The following DACH1 variants were observed in gnomAD, a reference collection of about 807,000 sequenced individuals.
DACH1 encodes dachshund homolog 1.
A neutral mutation model predicts 54.2 loss-of-function variants in DACH1; 12 were observed. The ratio of observed to expected loss-of-function variants is 0.22; its 90% CI spans 0.14 to 0.36. The LOEUF is 0.36. Ranked by LOEUF, DACH1 falls within the 10% of genes least tolerant of loss-of-function variation. The pLI, the probability that DACH1 is intolerant of heterozygous loss-of-function variation, is 1.00. For synonymous variants in DACH1, 386 were observed against 366.2 expected, an observed-to-expected ratio of 1.05 and a Z score of -0.62; for missense variants, 805 against 929.8, an observed-to-expected ratio of 0.87 and a Z score of 1.75.
chr13:71,553,808 T>A (rs1025350295), intron 6 of DACH1, among the ~76,000 whole-genome samples: 4 of 151,572 alleles, frequency 2.6e-5, no homozygotes, highest in African/African-American at 9.7e-5. Flanking sequence ...TTTTTTGGGC[T>A]AATAGAATGG....
At chr13:71,663,552 T>C (rs950839283) in intron 2 of DACH1, among the ~76,000 whole-genome samples, 8 of 151,950 alleles carry the variant, frequency 5.3e-5, no homozygotes, top group Admixed American at 1.3e-4. Flanking sequence ...ACTGGAGCAC[T>C]GAAATGTAGA....
intron 1 of DACH1, among the ~76,000 whole-genome samples, chr13:71,778,635 A>T (rs1886176850): frequency 6.6e-6 from 1 of 152,128 alleles, no homozygotes; most frequent in Non-Finnish European, 1.5e-5. Context: ...GAAAGTAAAG[A>T]AATATAAACT....
chr13:71,684,093 A>AT (rs998724942), intron 1 of DACH1, among the ~76,000 whole-genome samples: 2 of 151,646 alleles, frequency 1.3e-5, no homozygotes, highest in Non-Finnish European at 2.9e-5. Context: ...TTTCTAATCT[A>AT]TTTTCTCTTC....
chr13:71,531,958 G>A (rs527762869), intron 6 of DACH1, among the ~76,000 whole-genome samples: 10 of 151,944 alleles, frequency 6.6e-5, no homozygotes, highest in African/African-American at 2.2e-4. Flanking sequence ...GCATGTATGT[G>A]TGTATATATA....
chr13:71,541,937 T>G (rs935699707), intron 6 of DACH1, among the ~76,000 whole-genome samples: 1 of 149,726 alleles, frequency 6.7e-6, no homozygotes, highest in East Asian at 1.9e-4. Context: ...TTTTTTTTTT[T>G]TTTTTTTTTT....
chr13:71,554,415 C>T (rs142567893), intron 6 of DACH1, among the ~76,000 whole-genome samples: 100 of 152,156 alleles, frequency 6.6e-4, no homozygotes, highest in Middle Eastern at 3.4e-3. Flanking sequence ...GGGAAACTGT[C>T]GGGCTATGGT....
intron 6 of DACH1, among the ~76,000 whole-genome samples, chr13:71,549,651 CTA>C (rs1883683349): frequency 6.6e-6 from 1 of 152,086 alleles, no homozygotes; most frequent in Non-Finnish European, 1.5e-5. Context: ...ATAAATGACT[CTA>C]TTTTTAAATA....
At position 71,866,829 on chromosome 13, in the gene DACH1, C is replaced by A; in HGVS notation, c.-60G>T. 7.9e-7 allele frequency: 1 copy of A among 1,269,502 alleles called. No individual in the cohort carries two copies. The highest frequency in any genetic ancestry group is 3.0e-5 in the East Asian group (1 of 33,520). 78.6% of individuals were successfully genotyped at this position (1,269,502 alleles called of 1,614,324 possible). On this transcript the variant is annotated 5_prime_UTR_variant, in exon 1 of 11. Coordinates refer to ENST00000613252, the MANE Select transcript of DACH1 (RefSeq NM_080759.6). ...CGAGAGGAAAAGTTGCCACACACCC[C>A]CGGGAGGGGAAGGGGAAAAAAGGGG... is the stretch of plus-strand genomic sequence containing the variant.
At position 71,572,860 on chromosome 13, in the gene DACH1, C is replaced by T. The variant is rs1885300619; in HGVS notation, c.1279G>A (p.Val427Ile). Residue 427 changes from valine to isoleucine, a missense_variant, in exon 4 of 11, where the codon GTT (valine) becomes ATT (isoleucine). Transcript: ENST00000613252. ...ATTACCTTAATAACTGATGTCTCAA[C>T]TCTGGATGGGGGACTCTGAACTTGT... ...AAQVQSPPSR[V>I]ETSVIKERVP... The T allele has an allele frequency of 1.2e-6, 2 of 1,612,934 alleles. No individual in the cohort carries two copies. The highest frequency in any genetic ancestry group is 1.7e-6 in the Non-Finnish European group (2 of 1,179,474).
intron 3 of DACH1, among the ~76,000 whole-genome samples, chr13:71,575,662 C>T (rs1383395809): frequency 6.6e-6 from 1 of 152,006 alleles, no homozygotes; most frequent in African/African-American, 2.4e-5. Flanking sequence ...TTTTGCGTCA[C>T]AGATATCAGT....
intron 10 of DACH1, among the ~76,000 whole-genome samples, chr13:71,441,348 G>A (rs921676017): frequency 6.6e-6 from 1 of 151,964 alleles, no homozygotes; most frequent in Non-Finnish European, 1.5e-5. Flanking sequence ...TAGAGACATC[G>A]AATAAATCCA....
At chr13:71,725,337 T>G (rs186935460) in intron 1 of DACH1, among the ~76,000 whole-genome samples, 29 of 152,094 alleles carry the variant, frequency 1.9e-4, no homozygotes, top group Admixed American at 1.4e-3. Context: ...TAAATAGAAA[T>G]TAACCAAAAT....
chr13:71,807,260 A>G (rs761764827), intron 1 of DACH1, among the ~76,000 whole-genome samples: 8 of 152,100 alleles, frequency 5.3e-5, no homozygotes, highest in African/African-American at 1.4e-4. Context: ...ATCCAACACA[A>G]AAATATGCCA....
At chr13:71,657,355 G>T (rs1879181250) in intron 2 of DACH1, among the ~76,000 whole-genome samples, 1 of 151,752 alleles carries the variant, frequency 6.6e-6, no homozygotes, top group South Asian at 2.1e-4. Context: ...AGCTGGGCAT[G>T]GTGGCATATG....
intron 1 of DACH1, among the ~76,000 whole-genome samples, chr13:71,731,607 G>C (rs975916026): frequency 6.6e-6 from 1 of 152,074 alleles, no homozygotes; most frequent in African/African-American, 2.4e-5. Flanking sequence ...CTTTAGAAAT[G>C]GTGTTATGGA....
chr13:71,708,852 G>GTTTTTTTTT (rs11322352), intron 1 of DACH1, among the ~76,000 whole-genome samples: 2 of 120,394 alleles, frequency 1.7e-5, no homozygotes, highest in Admixed American at 8.9e-5. Flanking sequence ...GTTTTTTGTT[G>GTTTTTTTTT]TTTTTTTTTT....
intron 1 of DACH1, among the ~76,000 whole-genome samples, chr13:71,806,240 G>A (rs997516754): frequency 9.2e-5 from 14 of 152,168 alleles, no homozygotes; most frequent in East Asian, 1.9e-4. Context: ...AGGAAATGTC[G>A]TTCTAGATTA....
chr13:71,807,178 G>A (rs996145714), intron 1 of DACH1, among the ~76,000 whole-genome samples: 5 of 152,074 alleles, frequency 3.3e-5, no homozygotes, highest in Admixed American at 2.6e-4. Context: ...AGTAATATTT[G>A]TGCTATATTA....
intron 10 of DACH1, among the ~76,000 whole-genome samples, chr13:71,449,853 T>C (rs1874857655): frequency 7.2e-6 from 1 of 139,434 alleles, no homozygotes; most frequent in South Asian, 2.2e-4. Context: ...CACAGGTTAG[T>C]TGAAAACATG....
Sources: allele counts gnomAD v4.1 joint callset (sites outside exome capture counted in the v4.1 genomes callset), GRCh38; gene constraint gnomAD v4.1.1; transcripts MANE v1.5; gene names NCBI Gene and HGNC (gene_info 2026-07-23, HGNC 2026-07-21).